The following MAP2K6 variants were observed in gnomAD, a reference collection of about 807,000 sequenced individuals.
The protein encoded by MAP2K6 is dual specificity mitogen-activated protein kinase kinase 6.
In MAP2K6, 16 loss-of-function variants were observed where a neutral mutation model predicts 53.7. That is an observed-to-expected ratio of 0.30 (90% CI 0.20 to 0.45). The LOEUF is 0.45. Among genes scored for constraint, MAP2K6 ranks in the 20% least tolerant of loss-of-function variants. MAP2K6 has a pLI of 1.00. For missense variants in MAP2K6, 204 were observed against 411.9 expected, an observed-to-expected ratio of 0.50 and a Z score of 4.37; for synonymous variants, 132 against 143.1, an observed-to-expected ratio of 0.92 and a Z score of 0.55.
At chr17:69,432,877 G>T (rs1906512478) in intron 1 of MAP2K6, among the ~76,000 whole-genome samples, 1 of 150,242 alleles carries the variant, frequency 6.7e-6, no homozygotes, top group Admixed American at 6.7e-5. Flanking sequence ...TATATTCTTT[G>T]TGAGGGGAAG....
At chr17:69,489,065 A>G (rs1438529380) in intron 1 of MAP2K6, among the ~76,000 whole-genome samples, 1 of 152,066 alleles carries the variant, frequency 6.6e-6, no homozygotes, top group East Asian at 1.9e-4. Flanking sequence ...TAGTAAAAAT[A>G]CAAAATTAGC....
chr17:69,527,055 A>T (rs1415038962), intron 10 of MAP2K6, among the ~76,000 whole-genome samples: 3 of 152,246 alleles, frequency 2.0e-5, no homozygotes, highest in Non-Finnish European at 4.4e-5. Context: ...GGAATTTTCC[A>T]GACAAAAGGG....
At chr17:69,528,573 G>T (rs903815105) in intron 10 of MAP2K6, among the ~76,000 whole-genome samples, 3 of 151,952 alleles carry the variant, frequency 2.0e-5, no homozygotes, top group African/African-American at 7.3e-5. Flanking sequence ...AAAAAGGGAT[G>T]AGGGGCCGGG....
chr17:69,547,728 A>T lies in MAP2K6; in HGVS notation c.*5975A>T, dbSNP rs116659584. 1 of 152,244 alleles carries T rather than the reference A, an allele frequency of 6.6e-6. No homozygotes were observed. Among genetic ancestry groups the T allele is most frequent in the Non-Finnish European group, 1.5e-5 (1 of 68,042 alleles). 9.4% of individuals were successfully genotyped at this position (152,244 alleles called of 1,614,324 possible). On this transcript the variant is annotated 3_prime_UTR_variant, in exon 12 of 12. Coordinates refer to ENST00000590474, the MANE Select transcript of MAP2K6 (RefSeq NM_002758.4). ...AAGCTGATAGAACAATTTTCTTCAG[A>T]TCAAACTGAAGTACTTACTTTTTCC...
chr17:69,522,329 C>T lies in MAP2K6; in HGVS notation c.536-1185C>T, dbSNP rs1395026712. ...TAGGAAAAAGACTGTAGATTATTCACAACTTTGAAATTAACATTAAGGGTT... is the reference window on the plus strand; with the variant it reads ...TAGGAAAAAGACTGTAGATTATTCATAACTTTGAAATTAACATTAAGGGTT... On this transcript the variant is annotated intron_variant, in intron 7 of 11. Coordinates refer to ENST00000590474, the MANE Select transcript of MAP2K6 (RefSeq NM_002758.4). Among the ~76,000 whole-genome samples the T allele has an allele frequency of 2.0e-5, 3 of 152,034 alleles. No homozygotes were observed. In the East Asian group the frequency reaches 5.8e-4, roughly 29 times the overall value.
chr17:69,507,436 A>C (rs1909561905), intron 2 of MAP2K6, among the ~76,000 whole-genome samples: 1 of 152,114 alleles, frequency 6.6e-6, no homozygotes, highest in Non-Finnish European at 1.5e-5. Flanking sequence ...TCACTACAGC[A>C]ACATTACAAG....
At chr17:69,418,135 T>C (rs1905963136) in intron 1 of MAP2K6, among the ~76,000 whole-genome samples, 1 of 152,210 alleles carries the variant, frequency 6.6e-6, no homozygotes, top group Non-Finnish European at 1.5e-5. Context: ...ATGCTTAGCC[T>C]GTAATCTGAG....
chr17:69,430,006 T>C lies in MAP2K6; in HGVS notation c.16+15006T>C, dbSNP rs114765309. 3.6e-3 allele frequency among the ~76,000 whole-genome samples: 552 copies of C among 152,024 alleles called. 1 individual carries two copies. Among genetic ancestry groups the C allele is most frequent in the African/African-American group, 0.012 (511 of 41,452 alleles). ...GCTCAGCAGAAAGTCAAGAATTAGA[T>C]GAGTCAATGTGGAAGGGGAAGAAAG... On this transcript the variant is annotated intron_variant, in intron 1 of 11. Transcript: ENST00000590474.
intron 1 of MAP2K6, among the ~76,000 whole-genome samples, chr17:69,461,942 T>C (rs758037106): frequency 3.3e-5 from 5 of 152,212 alleles, no homozygotes; most frequent in Non-Finnish European, 7.3e-5. Flanking sequence ...TTGCTTTCTT[T>C]TGCAGAAAAC....
At chr17:69,525,377 G>T (rs561879417) in intron 9 of MAP2K6, among the ~76,000 whole-genome samples, 1 of 152,180 alleles carries the variant, frequency 6.6e-6, no homozygotes, top group Admixed American at 6.5e-5. Flanking sequence ...TGATAGGGCC[G>T]TGTTATCCAG....
intron 2 of MAP2K6, among the ~76,000 whole-genome samples, chr17:69,512,558 C>T (rs906176471): frequency 6.6e-6 from 1 of 151,954 alleles, no homozygotes; most frequent in South Asian, 2.1e-4. Flanking sequence ...AGGCTGGTCT[C>T]GAACTCCTGA....
intron 1 of MAP2K6, among the ~76,000 whole-genome samples, chr17:69,484,511 G>A (rs564444719): frequency 1.3e-5 from 2 of 152,134 alleles, no homozygotes; most frequent in South Asian, 4.1e-4. Context: ...TTGAGAAACA[G>A]GTTGGCAGGT....
At chr17:69,449,661 A>G (rs1174292143) in intron 1 of MAP2K6, among the ~76,000 whole-genome samples, 17 of 116,670 alleles carry the variant, frequency 1.5e-4, no homozygotes, top group South Asian at 5.4e-4. Context: ...CGCCCAGGCT[A>G]GAGTGCAGTG....
At chr17:69,511,314 C>T (rs1909795737) in intron 2 of MAP2K6, among the ~76,000 whole-genome samples, 2 of 152,232 alleles carry the variant, frequency 1.3e-5, no homozygotes, top group Admixed American at 1.3e-4. Context: ...ATTTGTACTC[C>T]TAAAGAAGTA....
rs1906351151 is a variant in MAP2K6, at chr17:69,428,769, T to C, written c.16+13769T>C. On this transcript the variant is annotated intron_variant, in intron 1 of 11. Coordinates refer to ENST00000590474, the MANE Select transcript of MAP2K6 (RefSeq NM_002758.4). Reference sequence around the variant, plus strand: ...TAAGTTGGTATAGCAGAACTTGCAGTGTGGTTCTCAGGAGAATAAGGAAGT... The same window carrying C: ...TAAGTTGGTATAGCAGAACTTGCAGCGTGGTTCTCAGGAGAATAAGGAAGT... 4.6e-5 allele frequency among the ~76,000 whole-genome samples: 7 copies of C among 152,086 alleles called. 1 individual carries two copies. In the South Asian group the frequency reaches 1.5e-3, roughly 32 times the overall value.
chr17:69,540,181 T>C (rs2716191), intron 11 of MAP2K6, among the ~76,000 whole-genome samples: 79,937 of 152,056 alleles, frequency 0.53, 21,725 homozygotes, highest in East Asian at 0.86. Flanking sequence ...TCCAACCCTC[T>C]GCTGTCAGGT....
In MAP2K6 at chr17:69,543,022, T is replaced by C. The variant is rs572163606; in HGVS notation, c.*1269T>C. 1 of 152,262 alleles carries C rather than the reference T, an allele frequency of 6.6e-6. No individual in the cohort carries two copies. Among genetic ancestry groups the C allele is most frequent in the East Asian group, 1.9e-4 (1 of 5,182 alleles). 9.4% of individuals were successfully genotyped at this position (152,262 alleles called of 1,614,324 possible). A position where few individuals can be genotyped will look rare whatever the true frequency, so the allele number is the denominator to read the frequency against. On this transcript the variant is annotated 3_prime_UTR_variant, in exon 12 of 12. Transcript: ENST00000590474. Reference sequence around the variant, plus strand: ...CAGCGTGCAATAGCTGGCTCCTCTATAGGAGATGAGCTTCATTGGGAGTTC... The same window carrying C: ...CAGCGTGCAATAGCTGGCTCCTCTACAGGAGATGAGCTTCATTGGGAGTTC...
At chr17:69,531,289 G>A (rs1361072558) in intron 10 of MAP2K6, among the ~76,000 whole-genome samples, 2 of 152,142 alleles carry the variant, frequency 1.3e-5, no homozygotes, top group Non-Finnish European at 2.9e-5. Flanking sequence ...CTAGGTAACT[G>A]TCAGAGTATT....
chr17:69,449,364 G>A (rs1193207043), intron 1 of MAP2K6, among the ~76,000 whole-genome samples: 1 of 151,666 alleles, frequency 6.6e-6, no homozygotes, highest in East Asian at 1.9e-4. Flanking sequence ...CAGCAAGCAG[G>A]TGCTGTGGAA....
Sources: allele counts gnomAD v4.1 joint callset (sites outside exome capture counted in the v4.1 genomes callset), GRCh38; gene constraint gnomAD v4.1.1; transcripts MANE v1.5; gene names NCBI Gene and HGNC (gene_info 2026-07-23, HGNC 2026-07-21).